ATG10: variants seen among roughly 807,000 people sequenced by gnomAD.
ATG10 encodes ubiquitin-like-conjugating enzyme ATG10.
In ATG10, 30 loss-of-function variants were observed where a neutral mutation model predicts 32.1. The ratio of observed to expected loss-of-function variants is 0.94; its 90% CI spans 0.70 to 1.27. The LOEUF (loss-of-function observed/expected upper bound fraction) is 1.27, where lower values mean the gene tolerates loss of function less well. Ranked by LOEUF, ATG10 falls within the 50% of genes most tolerant of loss-of-function variation. The pLI, the probability that ATG10 is intolerant of heterozygous loss-of-function variation, is 0.00. For synonymous variants in ATG10, 87 were observed against 91.5 expected (o/e 0.95, Z 0.28); for missense variants, 233 against 262.3 (o/e 0.89, Z 0.77).
chr5:82,063,173 G>A (rs1036106785), intron 3 of ATG10, among the ~76,000 whole-genome samples: 3 of 152,006 alleles, frequency 2.0e-5, no homozygotes, highest in Non-Finnish European at 4.4e-5. Context: ...AGAAAAATTA[G>A]TTGGGCCTGG....
chr5:82,216,505 T>C (rs571207009), intron 5 of ATG10, among the ~76,000 whole-genome samples: 7 of 152,350 alleles, frequency 4.6e-5, no homozygotes, highest in African/African-American at 1.7e-4. Context: ...ACAATAATAG[T>C]ATTGTTTTAA....
At chr5:82,099,999 T>TG (rs1765206198) in intron 3 of ATG10, among the ~76,000 whole-genome samples, 1 of 120,986 alleles carries the variant, frequency 8.3e-6, no homozygotes. Context: ...TCTTTTTCTG[T>TG]GTTTTTTTTT....
intron 2 of ATG10, among the ~76,000 whole-genome samples, chr5:82,050,897 G>C (rs1418297286): frequency 7.0e-6 from 1 of 142,310 alleles, no homozygotes; most frequent in Non-Finnish European, 1.5e-5. Context: ...TGTAGTCCTA[G>C]TTACTTAAGA....
At chr5:82,166,826 T>G (rs535547281) in intron 4 of ATG10, among the ~76,000 whole-genome samples, 347 of 152,278 alleles carry the variant, frequency 2.3e-3, no homozygotes, top group African/African-American at 7.8e-3. Context: ...GGGGTCTTTT[T>G]TTGTTGTTGT....
At position 82,183,885 on chromosome 5, in the gene ATG10, G is replaced by A. The variant is rs139333578; in HGVS notation, c.453+5298G>A. Among the ~76,000 whole-genome samples the A allele has an allele frequency of 4.6e-5, 7 of 152,238 alleles. No individual in the cohort carries two copies. In the East Asian group the frequency reaches 9.6e-4, roughly 21 times the overall value. On this transcript the variant is annotated intron_variant, in intron 5 of 7. Coordinates refer to ENST00000282185, the MANE Select transcript of ATG10 (RefSeq NM_031482.5). ...ACTCATAAATGTTTTGTATGTGTCC[G>A]TTCATAGTAGTGGTTATCTTTATTG...
intron 3 of ATG10, among the ~76,000 whole-genome samples, chr5:82,083,282 G>A (rs1581671884): frequency 2.0e-5 from 3 of 152,220 alleles, no homozygotes; most frequent in Non-Finnish European, 4.4e-5. Context: ...GAGGCTGGGG[G>A]AGGGGCATCC....
chr5:82,186,195 T>A (rs1443669463), intron 5 of ATG10, among the ~76,000 whole-genome samples: 2 of 152,338 alleles, frequency 1.3e-5, no homozygotes, highest in South Asian at 4.1e-4. Context: ...TAAATGGGAC[T>A]ACAGATATCA....
chr5:82,202,299 A>G (rs1032575036), intron 5 of ATG10, among the ~76,000 whole-genome samples: 34 of 152,142 alleles, frequency 2.2e-4, no homozygotes, highest in Non-Finnish European at 4.4e-4. Context: ...ATTTTGAGTA[A>G]AGCATATTGA....
intron 5 of ATG10, chr5:82,242,699 AT>A (rs1746852802): frequency 3.0e-6 from 1 of 338,256 alleles, no homozygotes; most frequent in Non-Finnish European, 5.7e-6. Context: ...GCTAAAAAAA[AT>A]CATTGTAACC....
rs776361339 is a variant in ATG10, at chr5:82,160,328, C to G, written c.217-4071C>G. On this transcript the variant is annotated intron_variant, in intron 3 of 7. Transcript: ENST00000282185. ...CACTTAGCATAATTCCCTGGAGATT[C>G]ATCCAGGTTGTTGTGTATCTCAATT... 4.4e-4 allele frequency among the ~76,000 whole-genome samples: 67 copies of G among 152,276 alleles called. 1 individual carries two copies. Among genetic ancestry groups the G allele is most frequent in the Middle Eastern group, 6.8e-3 (2 of 294 alleles).
chr5:82,192,135 A>C (rs1457705983), intron 5 of ATG10, among the ~76,000 whole-genome samples: 2 of 152,212 alleles, frequency 1.3e-5, no homozygotes, highest in African/African-American at 4.8e-5. Context: ...AGGACGGGGC[A>C]TCCATTTTGC....
intron 2 of ATG10, among the ~76,000 whole-genome samples, chr5:82,018,046 T>C (rs1762335667): frequency 6.6e-6 from 1 of 152,176 alleles, no homozygotes; most frequent in African/African-American, 2.4e-5. Flanking sequence ...ATGTATATCC[T>C]CTGCCCAGAT....
At chr5:82,230,878 GA>G (rs200790893) in intron 5 of ATG10, among the ~76,000 whole-genome samples, 2,865 of 151,994 alleles carry the variant, frequency 0.019, 47 homozygotes, top group Non-Finnish European at 0.024. Context: ...GTAAAATATG[GA>G]AAATTATATA....
chr5:82,205,029 G>A (rs1745237480), intron 5 of ATG10, among the ~76,000 whole-genome samples: 1 of 152,196 alleles, frequency 6.6e-6, no homozygotes, highest in African/African-American at 2.4e-5. Context: ...GCCTGTGAAA[G>A]GTACTAAGAG....
chr5:82,088,239 A>G (rs1764756721), intron 3 of ATG10, among the ~76,000 whole-genome samples: 1 of 151,974 alleles, frequency 6.6e-6, no homozygotes, highest in South Asian at 2.1e-4. Flanking sequence ...TCTATTGCTT[A>G]TAGACAATAA....
intron 3 of ATG10, among the ~76,000 whole-genome samples, chr5:82,158,867 T>C (rs1767914080): frequency 6.6e-6 from 1 of 152,188 alleles, no homozygotes; most frequent in African/African-American, 2.4e-5. Flanking sequence ...ATAAGGGTTG[T>C]AGGCCTTCCT....
intron 3 of ATG10, among the ~76,000 whole-genome samples, chr5:82,151,172 G>T (rs1003606532): frequency 1.2e-4 from 18 of 152,202 alleles, no homozygotes; most frequent in African/African-American, 3.6e-4. Flanking sequence ...CTTTGATTTT[G>T]TGAAAGTTAG....
chr5:81,996,112 A>T (rs909529037), intron 2 of ATG10, among the ~76,000 whole-genome samples: 3 of 152,204 alleles, frequency 2.0e-5, no homozygotes, highest in Admixed American at 2.0e-4. Context: ...ATTTTTGCTT[A>T]ACTTTTATTC....
At chr5:82,002,113 G>A (rs1008177450) in intron 2 of ATG10, among the ~76,000 whole-genome samples, 1 of 152,136 alleles carries the variant, frequency 6.6e-6, no homozygotes, top group Non-Finnish European at 1.5e-5. Flanking sequence ...AGTCAGAATG[G>A]CTATTATTAA....
Sources: allele counts gnomAD v4.1 joint callset (sites outside exome capture counted in the v4.1 genomes callset), GRCh38; gene constraint gnomAD v4.1.1; transcripts MANE v1.5; gene names NCBI Gene and HGNC (gene_info 2026-07-23, HGNC 2026-07-21).